The following CLVS1 variants were observed in gnomAD, a reference collection of about 807,000 sequenced individuals.
The protein encoded by CLVS1 is clavesin 1.
CLVS1 carries 10 observed loss-of-function variants against 33.1 expected under a neutral mutation model. The observed-to-expected ratio is 0.30, with a 90% CI of 0.19 to 0.51. The LOEUF (loss-of-function observed/expected upper bound fraction) is 0.51. Among genes scored for constraint, CLVS1 ranks in the 20% least tolerant of loss-of-function variants. The probability of loss-of-function intolerance (pLI) is 0.97; values close to 1 mark genes in which losing one functional copy is unlikely to be tolerated. For synonymous variants in CLVS1, 163 were observed against 166.1 expected (o/e 0.98, Z 0.14); for missense variants, 343 against 433.4 (o/e 0.79, Z 1.85).
intron 5 of CLVS1, among the ~76,000 whole-genome samples, chr8:61,480,837 G>A (rs751663233): frequency 5.9e-5 from 9 of 152,172 alleles, no homozygotes; most frequent in South Asian, 2.1e-4. Context: ...AACATTGAAC[G>A]TGGAATGCTG....
chr8:61,422,914 A>C (rs1469923504), intron 3 of CLVS1, among the ~76,000 whole-genome samples: 1 of 152,156 alleles, frequency 6.6e-6, no homozygotes, highest in African/African-American at 2.4e-5. Context: ...AAAAAAGAAA[A>C]GAGATAAGCC....
chr8:61,410,066 G>GTTT (rs201195565), intron 3 of CLVS1, among the ~76,000 whole-genome samples: 11 of 106,898 alleles, frequency 1.0e-4, no homozygotes, highest in East Asian at 2.5e-4. Flanking sequence ...ACTTGCAGAG[G>GTTT]TTTTTTTTTT....
chr8:61,221,092 A>G (rs1170974571), intron 2 of CLVS1, among the ~76,000 whole-genome samples: 2 of 152,148 alleles, frequency 1.3e-5, no homozygotes, highest in African/African-American at 4.8e-5. Context: ...GGCTGAGATG[A>G]TGGGGTTTTC....
chr8:61,462,718 G>A (rs896878313), intron 5 of CLVS1, among the ~76,000 whole-genome samples: 1 of 152,114 alleles, frequency 6.6e-6, no homozygotes, highest in African/African-American at 2.4e-5. Flanking sequence ...AAAATACTCT[G>A]TAAACCGTGC....
chr8:61,464,243 C>T lies in CLVS1; in HGVS notation c.977+5701C>T, dbSNP rs1371118121. Among the ~76,000 whole-genome samples, 6 of 152,116 alleles carry T rather than the reference C, an allele frequency of 3.9e-5. No individual in the cohort carries two copies. The East Asian group carries it at 1.2e-3, about 29-fold the overall frequency. On this transcript the variant is annotated intron_variant, in intron 5 of 5. Transcript: ENST00000325897. ...CAAGGTGTACAAAGTACAATATCTG[C>T]AAAGGGCAATGACGTGAAGCACAGT...
intron 2 of CLVS1, among the ~76,000 whole-genome samples, chr8:61,222,889 G>A (rs868385471): frequency 6.7e-6 from 1 of 148,266 alleles, no homozygotes; most frequent in African/African-American, 2.5e-5. Context: ...AGCTCTTTTT[G>A]TTGAATTGAT....
intron 2 of CLVS1, among the ~76,000 whole-genome samples, chr8:61,268,477 AC>A (rs1809360048): frequency 1.3e-5 from 2 of 151,370 alleles, no homozygotes; most frequent in African/African-American, 4.9e-5. Flanking sequence ...CAATAAACAT[AC>A]GTGTGCATGT....
intron 2 of CLVS1, among the ~76,000 whole-genome samples, chr8:61,168,712 C>A (rs1004810895): frequency 1.3e-5 from 2 of 152,212 alleles, no homozygotes; most frequent in Non-Finnish European, 2.9e-5. Context: ...TGAAGCTCTG[C>A]AAGCTGAAGC....
At chr8:61,441,856 T>C (rs1297174466) in intron 3 of CLVS1, among the ~76,000 whole-genome samples, 2 of 152,206 alleles carry the variant, frequency 1.3e-5, no homozygotes, top group African/African-American at 2.4e-5. Flanking sequence ...ATTGCAAGAA[T>C]CACTTAACAC....
At chr8:61,222,931 CTT>C (rs35852094) in intron 2 of CLVS1, among the ~76,000 whole-genome samples, 67,852 of 134,720 alleles carry the variant, frequency 0.5, 16,606 homozygotes, top group East Asian at 0.88. Flanking sequence ...CCTTTTTTGT[CTT>C]TTTTTTTTTT....
chr8:61,107,400 A>G (rs77060622), intron 1 of CLVS1, among the ~76,000 whole-genome samples: 4,150 of 152,344 alleles, frequency 0.027, 182 homozygotes, highest in African/African-American at 0.094. Context: ...TCAAGGTATC[A>G]GCAAATTCAT....
intron 2 of CLVS1, among the ~76,000 whole-genome samples, chr8:61,316,867 C>A (rs1177623372): frequency 6.6e-6 from 1 of 152,082 alleles, no homozygotes; most frequent in Non-Finnish European, 1.5e-5. Flanking sequence ...CACTCTGTGC[C>A]TCAATTTTCT....
At chr8:61,239,905 CAG>C (rs1808656132) in intron 2 of CLVS1, among the ~76,000 whole-genome samples, 1 of 152,098 alleles carries the variant, frequency 6.6e-6, no homozygotes, top group Non-Finnish European at 1.5e-5. Context: ...CCGTGAGACT[CAG>C]AGGGGTGGGT....
At chr8:61,437,025 G>A (rs927393088) in intron 3 of CLVS1, among the ~76,000 whole-genome samples, 16 of 152,152 alleles carry the variant, frequency 1.1e-4, no homozygotes, top group Admixed American at 1.3e-4. Flanking sequence ...AAATGAATGA[G>A]CCCAAAGAAC....
At chr8:61,278,667 A>G (rs774383179) in intron 2 of CLVS1, among the ~76,000 whole-genome samples, 1 of 152,260 alleles carries the variant, frequency 6.6e-6, no homozygotes, top group Admixed American at 6.5e-5. Flanking sequence ...TAGATAAAAT[A>G]TATTTTTCTT....
At chr8:61,405,542 G>A (rs1814952572) in intron 3 of CLVS1, among the ~76,000 whole-genome samples, 1 of 152,154 alleles carries the variant, frequency 6.6e-6, no homozygotes, top group Non-Finnish European at 1.5e-5. Flanking sequence ...GAGAGGCCAA[G>A]GCAGGAGGAT....
chr8:61,233,646 G>C (rs1452663205), intron 2 of CLVS1, among the ~76,000 whole-genome samples: 9 of 152,310 alleles, frequency 5.9e-5, no homozygotes, highest in Admixed American at 5.9e-4. Flanking sequence ...TGCCTCCAGA[G>C]CCATGTCTCT....
At chr8:61,347,626 TTATATATATATATATATA>T (rs56179025) in intron 2 of CLVS1, among the ~76,000 whole-genome samples, 2,474 of 37,002 alleles carry the variant, frequency 0.067, 139 homozygotes, top group Non-Finnish European at 0.073. Flanking sequence ...GGCCATTCCA[TTATATATATATATATATA>T]TATATATATA....
Position 61,376,626 on chromosome 8 carries a change from T to C in CLVS1, c.477T>C (p.Leu159=). ...DQSRNSFTDI[L]RAILLSLEVL... is the part of the protein sequence containing the mutation. ...GCAGGAACTCCTTCACAGACATCCT[T>C]CGTGCCATCCTGCTGTCATTGGAAG... Residue 159 remains leucine, a synonymous_variant, in exon 3 of 6, where the codon CTT becomes CTC. Transcript: ENST00000325897. The C allele has an allele frequency of 8.7e-6, 14 of 1,614,042 alleles. No individual in the cohort carries two copies. Among genetic ancestry groups the C allele is most frequent in the Non-Finnish European group, 1.2e-5 (14 of 1,179,908 alleles).
Sources: allele counts gnomAD v4.1 joint callset (sites outside exome capture counted in the v4.1 genomes callset), GRCh38; gene constraint gnomAD v4.1.1; transcripts MANE v1.5; gene names NCBI Gene and HGNC (gene_info 2026-07-23, HGNC 2026-07-21).